The following SAMD12 variants were observed in gnomAD, a reference collection of about 807,000 sequenced individuals.
The protein encoded by SAMD12 is sterile alpha motif domain-containing protein 12.
A neutral mutation model predicts 15.0 loss-of-function variants in SAMD12; 9 were observed. That is an observed-to-expected ratio of 0.60 (90% CI 0.36 to 1.05). SAMD12 has a LOEUF of 1.05. Ranked by LOEUF, SAMD12 falls within the 50% of genes least tolerant of loss-of-function variation. SAMD12 has a pLI of 0.01. For synonymous variants in SAMD12, 86 were observed against 90.1 expected (o/e 0.96, Z 0.25); for missense variants, 230 against 234.2 (o/e 0.98, Z 0.12).
At chr8:118,617,645 AT>A (rs1324290306) in intron 1 of SAMD12, among the ~76,000 whole-genome samples, 1 of 151,818 alleles carries the variant, frequency 6.6e-6, no homozygotes. Context: ...CATCCTCCCT[AT>A]TTTTTTCATA....
chr8:118,417,225 T>C (rs944217804), intron 3 of SAMD12, among the ~76,000 whole-genome samples: 4 of 152,118 alleles, frequency 2.6e-5, no homozygotes, highest in Non-Finnish European at 4.4e-5. Context: ...GGACTACAGG[T>C]GTGCCCCCCT....
At position 118,324,640 on chromosome 8, in the gene SAMD12, G is replaced by T. The variant is rs533871134; in HGVS notation, c.433+54920C>A. The stretch of plus-strand genomic sequence containing the variant: ...TAAAGTAGGGGTAAGCCCAGAGAAG[G>T]CATGTGGAGGAAGTGAGACCTGACA... On this transcript the variant is annotated intron_variant, in intron 4 of 4. Transcript: ENST00000409003. 3.9e-5 allele frequency among the ~76,000 whole-genome samples: 6 copies of T among 152,292 alleles called. No individual in the cohort carries two copies. The South Asian group carries it at 1.0e-3, about 26-fold the overall frequency.
At chr8:118,167,156 A>G in the SAMD12 span, among the ~76,000 whole-genome samples, 4 of 152,108 alleles carry the variant, frequency 2.6e-5, no homozygotes, top group Non-Finnish European at 5.9e-5. Flanking sequence ...TCTCAAGGAA[A>G]ATAGTTCTGT....
intron 2 of SAMD12, among the ~76,000 whole-genome samples, chr8:118,564,686 G>A (rs1826802017): frequency 2.0e-5 from 3 of 152,314 alleles, no homozygotes; most frequent in Admixed American, 6.5e-5. Context: ...AGAGTATGCA[G>A]CATTGCAGTG....
chr8:118,313,243 G>A (rs989040958), intron 4 of SAMD12, among the ~76,000 whole-genome samples: 4 of 152,158 alleles, frequency 2.6e-5, no homozygotes, highest in African/African-American at 4.8e-5. Flanking sequence ...CCCCTATATT[G>A]ACATATTAGT....
intron 3 of SAMD12, among the ~76,000 whole-genome samples, chr8:118,432,424 A>G (rs959148404): frequency 1.3e-4 from 20 of 152,216 alleles, no homozygotes; most frequent in African/African-American, 4.8e-4. Context: ...GGAAGATAGC[A>G]TTATACTTCA....
At chr8:118,489,411 C>G (rs752610059) in intron 2 of SAMD12, among the ~76,000 whole-genome samples, 8 of 152,104 alleles carry the variant, frequency 5.3e-5, no homozygotes, top group African/African-American at 1.2e-4. Context: ...TTTGCCTAAT[C>G]TGAGGTCATG....
Position 118,320,271 on chromosome 8 carries a change from T to C in SAMD12, c.433+59289A>G, listed in dbSNP as rs1319914998. On this transcript the variant is annotated intron_variant, in intron 4 of 4. Coordinates refer to the SAMD12 transcript ENST00000409003. ...CAAAAACATCAGACTGTGGAACAAA[T>C]GGGACATGACAGAGTACAGGAAATT... Among the ~76,000 whole-genome samples, 3 of 152,122 alleles carry C rather than the reference T, an allele frequency of 2.0e-5. No individual in the cohort carries two copies. The East Asian group carries it at 5.8e-4, about 29-fold the overall frequency.
intron 2 of SAMD12, among the ~76,000 whole-genome samples, chr8:118,538,737 AC>A (rs1385577338): frequency 1.2e-4 from 18 of 152,158 alleles, no homozygotes; most frequent in Non-Finnish European, 7.4e-5. Context: ...AACTCACTTT[AC>A]TTTTGGTTCC....
intron 2 of SAMD12, among the ~76,000 whole-genome samples, chr8:118,543,631 C>CTTTTTTTTTTTTTTTTT (rs397978436): frequency 2.7e-4 from 32 of 116,616 alleles, no homozygotes; most frequent in African/African-American, 1.1e-3. Flanking sequence ...TTCTTTCTTT[C>CTTTTTTTTTTTTTTTTT]TTTTTTTTTT....
intron 3 of SAMD12, among the ~76,000 whole-genome samples, chr8:118,416,001 T>C (rs1268315426): frequency 3.9e-5 from 6 of 152,208 alleles, no homozygotes; most frequent in Non-Finnish European, 8.8e-5. Context: ...CCCCTTTTTT[T>C]TTCTTTAAAG....
intron 4 of SAMD12, among the ~76,000 whole-genome samples, chr8:118,332,402 G>C (rs891045110): frequency 2.0e-5 from 3 of 152,208 alleles, no homozygotes; most frequent in Non-Finnish European, 4.4e-5. Flanking sequence ...GACCAGCGTC[G>C]CTGCAGTGGC....
At chr8:118,203,771 C>T (rs931650612) in intron 4 of SAMD12, among the ~76,000 whole-genome samples, 14 of 143,952 alleles carry the variant, frequency 9.7e-5, no homozygotes, top group African/African-American at 3.1e-4. Context: ...GTGATGTTCC[C>T]CTTCCTGTGT....
intron 4 of SAMD12, among the ~76,000 whole-genome samples, chr8:118,318,355 T>TACACAC (rs1161460062): frequency 9.4e-4 from 104 of 110,818 alleles, no homozygotes; most frequent in East Asian, 6.6e-3. Flanking sequence ...TATATATATA[T>TACACAC]ACATATATAC....
At chr8:118,390,431 T>G (rs1435640197) in intron 3 of SAMD12, among the ~76,000 whole-genome samples, 2 of 152,220 alleles carry the variant, frequency 1.3e-5, no homozygotes, top group Non-Finnish European at 2.9e-5. Context: ...GTTCTGTGAT[T>G]CCATTCTGTG....
intron 3 of SAMD12, among the ~76,000 whole-genome samples, chr8:118,398,763 A>G (rs768563341): frequency 5.3e-5 from 8 of 152,204 alleles, no homozygotes; most frequent in Non-Finnish European, 1.2e-4. Context: ...AGTCATGTTC[A>G]TTACCTTGAT....
intron 4 of SAMD12, among the ~76,000 whole-genome samples, chr8:118,335,935 G>A: frequency 6.6e-6 from 1 of 152,096 alleles, no homozygotes; most frequent in South Asian, 2.1e-4. Flanking sequence ...GGGTTGCCCA[G>A]GCTGGTCTCT....
chr8:118,341,105 T>A (rs1817342938), intron 4 of SAMD12, among the ~76,000 whole-genome samples: 1 of 152,236 alleles, frequency 6.6e-6, no homozygotes, highest in Admixed American at 6.5e-5. Context: ...TTTGTGTATC[T>A]GGCACCTTAG....
At chr8:118,554,595 G>T (rs1332072989) in intron 2 of SAMD12, among the ~76,000 whole-genome samples, 3 of 151,802 alleles carry the variant, frequency 2.0e-5, no homozygotes, top group Non-Finnish European at 2.9e-5. Flanking sequence ...GTTACTGGGT[G>T]CAGCGCACTA....
Sources: allele counts gnomAD v4.1 joint callset (sites outside exome capture counted in the v4.1 genomes callset), GRCh38; gene constraint gnomAD v4.1.1; transcripts MANE v1.5; gene names NCBI Gene and HGNC (gene_info 2026-07-23, HGNC 2026-07-21).